The following REL variants were observed in gnomAD, a reference collection of about 807,000 sequenced individuals.
REL encodes proto-oncogene c-Rel.
In REL, 15 loss-of-function variants were observed where a neutral mutation model predicts 45.9. The ratio of observed to expected loss-of-function variants is 0.33; its 90% CI spans 0.22 to 0.50. The LOEUF (loss-of-function observed/expected upper bound fraction) is 0.50, where lower values mean the gene tolerates loss of function less well. REL is among the 20% of genes least tolerant of loss of function. The pLI, the probability that REL is intolerant of heterozygous loss-of-function variation, is 0.98. For missense variants in REL, 601 were observed against 715.2 expected, an observed-to-expected ratio of 0.84 and a Z score of 1.82; for synonymous variants, 239 against 242.1, an observed-to-expected ratio of 0.99 and a Z score of 0.12.
Position 60,922,143 on chromosome 2 carries a change from A to G in REL, c.1372A>G (p.Met458Val). The G allele has an allele frequency of 1.2e-6, 2 of 1,614,214 alleles. No homozygotes were observed. The highest frequency in any genetic ancestry group is 1.7e-6 in the Non-Finnish European group (2 of 1,180,038). The change falls in exon 10 of 10, where the codon ATG becomes GTG. Residue 458 changes from methionine (M) to valine (V), a missense_variant. Physicochemically the swap from Met to Val is conservative, Grantham distance 21. Transcript: ENST00000394479. The part of the protein sequence containing the change: ...ADLYGISDPN[M>V]LSNCSVNMMT... ...TTTATATGGTATTTCTGATCCCAAC[A>G]TGCTGTCTAATTGTTCTGTGAATAT...
Position 60,925,086 on chromosome 2 carries a change from C to T in REL, c.*2551C>T, listed in dbSNP as rs550979369. 2.5e-4 allele frequency: 50 copies of T among 197,612 alleles called. No homozygotes were observed. The highest frequency in any genetic ancestry group is 4.2e-4 in the Non-Finnish European group (40 of 95,406). The allele number at this position is 197,612 out of a possible 1,614,324, so 12.2% of individuals were successfully genotyped here. A position where few individuals can be genotyped will look rare whatever the true frequency, so the allele number is the denominator to read the frequency against. On this transcript the variant is annotated 3_prime_UTR_variant, in exon 10 of 10. Transcript: ENST00000394479. ...ATTAGATCATTATATTTTATTATTA[C>T]AGATTAAAGTTGGGCAGTAATCTTA...
chr2:60,928,154 C>CAA lies in REL; in HGVS notation c.*5635_*5636dup, dbSNP rs549824510. 1.7e-3 allele frequency: 145 copies of CAA among 83,126 alleles called. No homozygotes were observed. The highest frequency in any genetic ancestry group is 5.0e-3 in the East Asian group (24 of 4,836). The allele number at this position is 83,126 out of a possible 1,614,324, so 5.1% of individuals were successfully genotyped here. On this transcript the variant is annotated 3_prime_UTR_variant, in exon 10 of 10. Coordinates refer to ENST00000394479, the MANE Select transcript of REL (RefSeq NM_001291746.2). ...GTAATATAAGGAAAACCTGTCTCTGCAAAAAAAAAAAAAAAAAGAGGATAC... is the reference window on the plus strand; with the variant it reads ...GTAATATAAGGAAAACCTGTCTCTGCAAAAAAAAAAAAAAAAAAAGAGGATAC...
At position 60,931,214 on chromosome 2, in the gene REL, G is replaced by A. The variant is rs998653040; in HGVS notation, c.*8679G>A. The stretch of plus-strand genomic sequence containing the variant: ...GTTCAAGTAGCTTTAAGATGATGTG[G>A]CAAGGAAAACACAAAGCTTTTGGGT... On this transcript the variant is annotated 3_prime_UTR_variant, in exon 10 of 10. Coordinates refer to ENST00000394479, the MANE Select transcript of REL (RefSeq NM_001291746.2). 6.6e-6 allele frequency: 1 copy of A among 152,288 alleles called. No homozygotes were observed. Among genetic ancestry groups the A allele is most frequent in the Non-Finnish European group, 1.5e-5 (1 of 68,018 alleles). The allele number at this position is 152,288 out of a possible 1,614,324, so 9.4% of individuals were successfully genotyped here. A position where few individuals can be genotyped will look rare whatever the true frequency, so the allele number is the denominator to read the frequency against.
At chr2:60,918,997 T>C (rs1471544144) in intron 7 of REL, among the ~76,000 whole-genome samples, 1 of 152,184 alleles carries the variant, frequency 6.6e-6, no homozygotes, top group Non-Finnish European at 1.5e-5. Flanking sequence ...TTCACCATGT[T>C]GGCTAGGCTG....
At position 60,891,965 on chromosome 2, in the gene REL, G is replaced by T. The variant is rs377520232; in HGVS notation, c.153+140G>T. On this transcript the variant is annotated intron_variant, in intron 2 of 9. Transcript: ENST00000394479. ...CTTTTTTCCTTTTTTTTTTTAAACG[G>T]ATCTGTCAAAAAGACATCTATTAGA... is the stretch of plus-strand genomic sequence containing the variant. The T allele has an allele frequency of 8.6e-4, 683 of 794,188 alleles. 4 individuals carry two copies. The African/African-American group carries it at 0.011, about 13-fold the overall frequency. The allele number at this position is 794,188 out of a possible 1,614,324, so 49.2% of individuals were successfully genotyped here.
chr2:60,918,179 CTTTATA>C lies in REL; in HGVS notation c.536-7_536-2del, dbSNP rs1674035401. 1 of 1,518,076 alleles carries C rather than the reference CTTTATA, an allele frequency of 6.6e-7. No individual in the cohort carries two copies. The highest frequency in any genetic ancestry group is 9.0e-7 in the Non-Finnish European group (1 of 1,117,144). 94.0% of individuals were successfully genotyped at this position (1,518,076 alleles called of 1,614,324 possible). On this transcript the variant is annotated splice_polypyrimidine_tract_variant and splice_region_variant and intron_variant, in intron 5 of 9. Transcript: ENST00000394479. ...GTAGCAACTCATTTTTTTGAAAATC[CTTTATA>C]TTTAGGTGCTCCAAATACTGCAGAA... is the stretch of plus-strand genomic sequence containing the variant.
chr2:60,914,852 G>A (rs78061834), intron 4 of REL, among the ~76,000 whole-genome samples: 1 of 45,970 alleles, frequency 2.2e-5, no homozygotes, highest in African/African-American at 8.5e-5. Flanking sequence ...TTTTTTTTTT[G>A]AGATGGAGTC....
At chr2:60,911,776 G>A (rs10193310) in intron 4 of REL, among the ~76,000 whole-genome samples, 31,011 of 151,638 alleles carry the variant, frequency 0.2, 3,390 homozygotes, top group Middle Eastern at 0.35. Flanking sequence ...CGAGGCGGGC[G>A]GATCACAAGG....
intron 3 of REL, among the ~76,000 whole-genome samples, chr2:60,897,878 A>G (rs1020818279): frequency 1.1e-4 from 17 of 152,162 alleles, no homozygotes; most frequent in African/African-American, 4.1e-4. Flanking sequence ...AAAAAAAAAA[A>G]AAAGCACTTC....
chr2:60,906,207 C>T (rs892430241), intron 4 of REL, among the ~76,000 whole-genome samples: 1 of 152,222 alleles, frequency 6.6e-6, no homozygotes, highest in South Asian at 2.1e-4. Flanking sequence ...GTCCCTCCCA[C>T]AACACATGAG....
chr2:60,911,011 A>G (rs1179626904), intron 4 of REL, among the ~76,000 whole-genome samples: 1 of 152,210 alleles, frequency 6.6e-6, no homozygotes, highest in Non-Finnish European at 1.5e-5. Flanking sequence ...AATGATATGT[A>G]TCTATTAAAA....
chr2:60,906,893 GTATATA>G (rs1355849482), intron 4 of REL, among the ~76,000 whole-genome samples: 28 of 121,404 alleles, frequency 2.3e-4, no homozygotes, highest in Admixed American at 3.7e-4. Context: ...GTGTGTGTGT[GTATATA>G]TATATATATA....
At chr2:60,897,309 T>TC (rs1673374722) in intron 3 of REL, among the ~76,000 whole-genome samples, 2 of 151,668 alleles carry the variant, frequency 1.3e-5, no homozygotes, top group Non-Finnish European at 2.9e-5. Context: ...TTTTCTTTTT[T>TC]TTTTTCCTTT....
chr2:60,918,685 G>C, intron 7 of REL, 79 bp downstream of exon 7: 1 of 989,882 alleles, frequency 1.0e-6, no homozygotes, highest in Non-Finnish European at 1.6e-6. Flanking sequence ...ATATTCATTT[G>C]AGTACAGTTA....
Position 60,931,293 on chromosome 2 carries a change from T to A in REL, c.*8758T>A, listed in dbSNP as rs2104006292. On this transcript the variant is annotated 3_prime_UTR_variant, in exon 10 of 10. Coordinates refer to ENST00000394479, the MANE Select transcript of REL (RefSeq NM_001291746.2). The stretch of plus-strand genomic sequence containing the variant: ...GACCAGGTGAACCCTTTAGAAGTGA[T>A]TTCTGTTTTAAAAGTATGTACTTAA... The A allele has an allele frequency of 6.6e-6, 1 of 152,480 alleles. No individual in the cohort carries two copies. Among genetic ancestry groups the A allele is most frequent in the African/African-American group, 2.4e-5 (1 of 41,580 alleles). 9.4% of individuals were successfully genotyped at this position (152,480 alleles called of 1,614,324 possible).
At chr2:60,887,934 GTT>G (rs529972811) in intron 1 of REL, among the ~76,000 whole-genome samples, 1 of 143,004 alleles carries the variant, frequency 7.0e-6, no homozygotes, top group Non-Finnish European at 1.5e-5. Context: ...TGTTTTGTTT[GTT>G]TTTTTTTTTG....
Position 60,920,624 on chromosome 2 carries a change from G to C in REL, c.973G>C (p.Gly325Arg). The change falls in exon 9 of 10, where the codon GGA becomes CGA. Residue 325 changes from glycine (G) to arginine (R), a missense_variant. Gly to Arg is a moderately radical substitution (Grantham distance 125). Coordinates refer to ENST00000394479, the MANE Select transcript of REL (RefSeq NM_001291746.2). ...RPGLLGSIGE[G>R]RYFKKEPNLF... is the part of the protein sequence containing the mutation. ...TGGTCTCCTCGGTTCAATTGGAGAA[G>C]GAAGATACTTCAAAAAAGGTATTTT... The C allele has an allele frequency of 6.3e-7, 1 of 1,599,618 alleles. No individual in the cohort carries two copies. Among genetic ancestry groups the C allele is most frequent in the Admixed American group, 1.7e-5 (1 of 59,820 alleles).
intron 1 of REL, among the ~76,000 whole-genome samples, chr2:60,889,199 C>G (rs1225155700): frequency 2.6e-5 from 4 of 152,142 alleles, no homozygotes; most frequent in Non-Finnish European, 4.4e-5. Context: ...CCCTAGAATA[C>G]CTACCTTTTT....
chr2:60,916,890 G>A lies in REL; in HGVS notation c.408G>A (p.Gln136=). 6.2e-7 allele frequency: 1 copy of A among 1,612,214 alleles called. No individual in the cohort carries two copies. The highest frequency in any genetic ancestry group is 2.2e-5 in the East Asian group (1 of 44,810). The change falls in exon 5 of 10, where the codon CAG becomes CAA. Residue 136 remains glutamine (Q), a synonymous_variant. Coordinates refer to ENST00000394479, the MANE Select transcript of REL (RefSeq NM_001291746.2). The part of the protein sequence containing the change: ...GINPFNVPEK[Q]LNDIEDCDLN... ...TTTTCTATTCAGTCCCTGAAAAACA[G>A]CTGAATGATATTGAAGATTGTGACC...
Sources: gnomAD v4.1 joint callset for allele counts (sites outside exome capture counted in the v4.1 genomes callset) on GRCh38, gnomAD v4.1.1 for gene constraint, MANE v1.5 for transcripts, NCBI Gene and HGNC (gene_info 2026-07-23, HGNC 2026-07-21) for gene names.